The following HSD17B12 variants were observed in gnomAD, a reference collection of about 807,000 sequenced individuals.
HSD17B12 encodes the protein very-long-chain 3-oxoacyl-CoA reductase.
Under a neutral mutation model 39.3 loss-of-function variants are expected in HSD17B12, and 32 were observed. That is an observed-to-expected ratio of 0.81 (90% confidence interval 0.61 to 1.09). HSD17B12 has a LOEUF of 1.09. HSD17B12 is among the 50% of genes least tolerant of loss of function. HSD17B12 has a pLI of 0.00. For synonymous variants in HSD17B12, 150 were observed against 146.7 expected (o/e 1.02, Z -0.16); for missense variants, 342 against 382.9 (o/e 0.89, Z 0.89).
intron 9 of HSD17B12, among the ~76,000 whole-genome samples, chr11:43,841,316 C>T (rs763819438): frequency 3.7e-4 from 56 of 152,188 alleles, no homozygotes; most frequent in Non-Finnish European, 1.5e-4. Flanking sequence ...CAAAGATTTT[C>T]TCCCACTTCG....
At chr11:43,818,848 C>G (rs1216268014) in intron 6 of HSD17B12, among the ~76,000 whole-genome samples, 2 of 152,112 alleles carry the variant, frequency 1.3e-5, no homozygotes, top group Non-Finnish European at 2.9e-5. Flanking sequence ...AGAGCTGATA[C>G]AGATTTTAAT....
chr11:43,753,944 G>T, intron 2 of HSD17B12, 102 bp from the exon 3 acceptor site: 1 of 645,066 alleles, frequency 1.6e-6, no homozygotes, highest in South Asian at 2.5e-5. Flanking sequence ...TTTATATTTT[G>T]AACTATCATC....
chr11:43,587,775 T>C, the HSD17B12 span, among the ~76,000 whole-genome samples: 1 of 152,188 alleles, frequency 6.6e-6, no homozygotes, highest in Non-Finnish European at 1.5e-5. Context: ...GAGGTTTGTG[T>C]TGGAGCTGGA....
At position 43,814,873 on chromosome 11, in the gene HSD17B12, C is replaced by T. The variant is rs550322610; in HGVS notation, c.392-564C>T. 1.9e-4 allele frequency among the ~76,000 whole-genome samples: 29 copies of T among 152,186 alleles called. No individual in the cohort carries two copies. The South Asian group carries it at 6.0e-3, about 32-fold the overall frequency. ...ATGCTCCGTGATACCAACATTTTTT[C>T]CCCACTTTTTAAAGTTCCTAGCACA... On this transcript the variant is annotated intron_variant, in intron 4 of 10. Coordinates refer to ENST00000278353, the MANE Select transcript of HSD17B12 (RefSeq NM_016142.3).
At chr11:43,784,664 A>G (rs1950799507) in intron 3 of HSD17B12, among the ~76,000 whole-genome samples, 1 of 152,156 alleles carries the variant, frequency 6.6e-6, no homozygotes, top group African/African-American at 2.4e-5. Context: ...TGAAGGAGCA[A>G]GGGTAATACG....
chr11:43,794,057 T>C (rs1244862922), intron 3 of HSD17B12, among the ~76,000 whole-genome samples: 1 of 152,238 alleles, frequency 6.6e-6, no homozygotes, highest in Admixed American at 6.5e-5. Flanking sequence ...ACCAGTTTTT[T>C]TCTTCTTGGT....
At chr11:43,753,981 TA>T in intron 2 of HSD17B12, 64 bp from the exon 3 acceptor site, 1 of 1,021,076 alleles carries the variant, frequency 9.8e-7, no homozygotes, top group South Asian at 1.4e-5. Flanking sequence ...AAATGGGGGT[TA>T]TAGCTCATTA....
At chr11:43,690,918 A>G (rs963003201) in intron 1 of HSD17B12, among the ~76,000 whole-genome samples, 2 of 152,208 alleles carry the variant, frequency 1.3e-5, no homozygotes, top group African/African-American at 4.8e-5. Flanking sequence ...AATGTTAAAT[A>G]CTATAGAAAT....
chr11:43,786,204 G>T (rs1002581125), intron 3 of HSD17B12, among the ~76,000 whole-genome samples: 4 of 152,116 alleles, frequency 2.6e-5, no homozygotes, highest in Non-Finnish European at 4.4e-5. Flanking sequence ...CGACTCAATT[G>T]CACAAATGCT....
intron 1 of HSD17B12, among the ~76,000 whole-genome samples, chr11:43,726,113 C>T (rs1950217927): frequency 6.6e-6 from 1 of 152,112 alleles, no homozygotes; most frequent in East Asian, 1.9e-4. Context: ...AAGCATATGG[C>T]TGACACTTAC....
intron 1 of HSD17B12, among the ~76,000 whole-genome samples, chr11:43,723,822 A>G (rs1950196857): frequency 3.3e-5 from 5 of 152,236 alleles, no homozygotes; most frequent in Admixed American, 2.6e-4. Context: ...TTATCCTGCA[A>G]AAATATTCAT....
intron 1 of HSD17B12, among the ~76,000 whole-genome samples, chr11:43,712,352 G>A (rs1486227730): frequency 2.0e-5 from 3 of 152,130 alleles, no homozygotes; most frequent in East Asian, 3.9e-4. Context: ...GCTTGAACCA[G>A]GGAGGCGGAG....
chr11:43,592,332 T>G, the HSD17B12 span, among the ~76,000 whole-genome samples: 1 of 152,138 alleles, frequency 6.6e-6, no homozygotes, highest in Non-Finnish European at 1.5e-5. Context: ...TATAATAAAT[T>G]AAAGTAGTAG....
chr11:43,595,736 C>G, the HSD17B12 span, among the ~76,000 whole-genome samples: 3 of 152,090 alleles, frequency 2.0e-5, no homozygotes, highest in Non-Finnish European at 2.9e-5. Context: ...TCTGAATAAA[C>G]GAAAAATAAT....
intron 1 of HSD17B12, among the ~76,000 whole-genome samples, chr11:43,730,607 A>G (rs1392637642): frequency 6.6e-6 from 1 of 152,186 alleles, no homozygotes; most frequent in African/African-American, 2.4e-5. Flanking sequence ...TCAGTCTTCA[A>G]GATATATAAA....
chr11:43,797,406 G>C (rs1950924843), intron 3 of HSD17B12, among the ~76,000 whole-genome samples: 1 of 152,214 alleles, frequency 6.6e-6, no homozygotes, highest in Non-Finnish European at 1.5e-5. Context: ...TTTATGGACT[G>C]CCGTCTGCGT....
intron 9 of HSD17B12, among the ~76,000 whole-genome samples, chr11:43,851,567 AT>A (rs1951531149): frequency 6.6e-6 from 1 of 152,162 alleles, no homozygotes; most frequent in African/African-American, 2.4e-5. Flanking sequence ...AATTTCTAAA[AT>A]TTTGGCTTAA....
intron 1 of HSD17B12, among the ~76,000 whole-genome samples, chr11:43,743,485 G>A (rs1264497075): frequency 6.6e-6 from 1 of 152,172 alleles, no homozygotes; most frequent in Non-Finnish European, 1.5e-5. Flanking sequence ...GAACAGCACA[G>A]GAATTGGAAG....
the HSD17B12 span, among the ~76,000 whole-genome samples, chr11:43,631,037 T>A: frequency 6.6e-6 from 1 of 152,162 alleles, no homozygotes; most frequent in African/African-American, 2.4e-5. Flanking sequence ...ACTCCTGACC[T>A]CAGGTGAACC....
Sources: gnomAD v4.1 joint callset for allele counts (sites outside exome capture counted in the v4.1 genomes callset) on GRCh38, gnomAD v4.1.1 for gene constraint, MANE v1.5 for transcripts, NCBI Gene and HGNC (gene_info 2026-07-23, HGNC 2026-07-21) for gene names.